KCNMA1: variants seen among roughly 807,000 people sequenced by gnomAD.
KCNMA1 encodes the protein Calcium-activated potassium channel subunit alpha-1.
KCNMA1 carries 29 observed loss-of-function variants against 140.0 expected under a neutral mutation model. The ratio of observed to expected loss-of-function variants is 0.21; its 90% confidence interval spans 0.15 to 0.28. The LOEUF (loss-of-function observed/expected upper bound fraction) is 0.28. Ranked by LOEUF, KCNMA1 falls within the 10% of genes least tolerant of loss-of-function variation. The probability of loss-of-function intolerance (pLI) is 1.00; values close to 1 mark genes in which losing one functional copy is unlikely to be tolerated. For synonymous variants in KCNMA1, 612 were observed against 611.9 expected (o/e 1.00, Z 0.00); for missense variants, 880 against 1,602.2 (o/e 0.55, Z 7.70).
chr10:77,378,191 A>T (rs976190617), intron 2 of KCNMA1, among the ~76,000 whole-genome samples: 2 of 152,120 alleles, frequency 1.3e-5, no homozygotes, highest in African/African-American at 4.8e-5. Flanking sequence ...ACAGGCCATG[A>T]AAAGAACACC....
At chr10:77,179,360 G>A (rs763610037) in intron 5 of KCNMA1, among the ~76,000 whole-genome samples, 3 of 152,074 alleles carry the variant, frequency 2.0e-5, no homozygotes, top group Non-Finnish European at 2.9e-5. Flanking sequence ...GGAGCAGGTC[G>A]GATCTCCAAG....
intron 1 of KCNMA1, among the ~76,000 whole-genome samples, chr10:77,411,472 C>T (rs751195970): frequency 3.3e-5 from 5 of 152,078 alleles, no homozygotes; most frequent in Non-Finnish European, 5.9e-5. Context: ...GTACTAATGT[C>T]CTCCATTGAC....
intron 2 of KCNMA1, among the ~76,000 whole-genome samples, chr10:77,268,528 G>T (rs6480856): frequency 2.0e-5 from 3 of 152,132 alleles, no homozygotes; most frequent in South Asian, 4.2e-4. Flanking sequence ...GTTACTGGAG[G>T]CTTACAAGGA....
chr10:77,003,259 C>G (rs373055343), intron 18 of KCNMA1, among the ~76,000 whole-genome samples: 20 of 152,216 alleles, frequency 1.3e-4, no homozygotes, highest in African/African-American at 4.8e-4. Context: ...CATGCAGCCC[C>G]AGCCCTGTTC....
intron 1 of KCNMA1, among the ~76,000 whole-genome samples, chr10:77,461,028 C>G (rs555057116): frequency 1.1e-4 from 17 of 152,156 alleles, no homozygotes; most frequent in Admixed American, 2.0e-4. Context: ...ATTACTTGAA[C>G]ACGGGAGGCA....
intron 17 of KCNMA1, chr10:77,012,373 T>C (rs992597411): frequency 6.6e-7 from 1 of 1,511,880 alleles, no homozygotes; most frequent in African/African-American, 1.4e-5. Context: ...CGTGGGGACA[T>C]GTGGGCAATG....
intron 7 of KCNMA1, among the ~76,000 whole-genome samples, chr10:77,112,002 G>A (rs538807239): frequency 1.5e-3 from 228 of 152,310 alleles, no homozygotes; most frequent in African/African-American, 5.3e-3. Context: ...TTACTAGGAG[G>A]TGTGGGTCCA....
intron 19 of KCNMA1, among the ~76,000 whole-genome samples, chr10:76,992,905 C>T (rs2083192985): frequency 6.6e-6 from 1 of 152,166 alleles, no homozygotes; most frequent in South Asian, 2.1e-4. Flanking sequence ...TTGAAAACTA[C>T]AGTGGATTTT....
intron 1 of KCNMA1, among the ~76,000 whole-genome samples, chr10:77,445,357 CATACACAG>C (rs1212543668): frequency 2.1e-4 from 28 of 132,238 alleles, no homozygotes; most frequent in African/African-American, 9.8e-4. Flanking sequence ...CTCACACGCA[CATACACAG>C]ACACACACAC....
chr10:77,024,070 C>G (rs1326635001), intron 16 of KCNMA1, among the ~76,000 whole-genome samples: 1 of 152,120 alleles, frequency 6.6e-6, no homozygotes, highest in African/African-American at 2.4e-5. Flanking sequence ...GGATGGGGAA[C>G]AGAGAGGTGA....
At chr10:77,633,272 G>A (rs1164691088) in intron 1 of KCNMA1, among the ~76,000 whole-genome samples, 1 of 152,044 alleles carries the variant, frequency 6.6e-6, no homozygotes, top group Non-Finnish European at 1.5e-5. Context: ...CCAAGATCGT[G>A]CCGCTGCACT....
intron 3 of KCNMA1, among the ~76,000 whole-genome samples, chr10:77,187,641 T>C (rs2098885871): frequency 6.6e-6 from 1 of 152,080 alleles, no homozygotes; most frequent in Admixed American, 6.5e-5. Context: ...ACCTCAATAA[T>C]ATGAGGGGGC....
intron 1 of KCNMA1, among the ~76,000 whole-genome samples, chr10:77,511,631 G>A (rs1353909225): frequency 3.9e-5 from 6 of 152,174 alleles, no homozygotes; most frequent in Non-Finnish European, 8.8e-5. Context: ...CTTGGGGAAT[G>A]CCTGGCATCT....
chr10:77,171,372 G>C (rs1004737453), intron 5 of KCNMA1, among the ~76,000 whole-genome samples: 1 of 146,338 alleles, frequency 6.8e-6, no homozygotes, highest in Non-Finnish European at 1.5e-5. Flanking sequence ...AATAGATTTC[G>C]GAAAGTACGT....
chr10:77,138,054 T>C (rs2098085868), intron 5 of KCNMA1, among the ~76,000 whole-genome samples: 1 of 152,160 alleles, frequency 6.6e-6, no homozygotes, highest in South Asian at 2.1e-4. Flanking sequence ...CAGACTGGGA[T>C]TGTCGCCCAT....
At chr10:77,149,838 T>C (rs536980921) in intron 5 of KCNMA1, 4 of 152,284 alleles carry the variant, frequency 2.6e-5, no homozygotes, top group Admixed American at 1.3e-4. Flanking sequence ...CATCTTTTCA[T>C]AGAACCCATG....
chr10:77,287,068 G>A (rs917569879), intron 2 of KCNMA1, among the ~76,000 whole-genome samples: 4 of 152,156 alleles, frequency 2.6e-5, no homozygotes, highest in African/African-American at 9.7e-5. Flanking sequence ...GAAACAGCAG[G>A]GGAATCAAGG....
intron 13 of KCNMA1, among the ~76,000 whole-genome samples, chr10:77,077,065 A>G (rs1390681219): frequency 1.3e-5 from 2 of 152,308 alleles, no homozygotes. Context: ...GTTGAAAGGG[A>G]AGAGGAAGAA....
intron 2 of KCNMA1, among the ~76,000 whole-genome samples, chr10:77,389,366 C>G (rs899807498): frequency 2.6e-5 from 4 of 152,172 alleles, no homozygotes; most frequent in African/African-American, 7.2e-5. Context: ...AATAAACATG[C>G]CTTTTATTGT....
Sources: gnomAD v4.1 joint callset for allele counts (sites outside exome capture counted in the v4.1 genomes callset) on GRCh38, gnomAD v4.1.1 for gene constraint, MANE v1.5 for transcripts, NCBI Gene and HGNC (gene_info 2026-07-23, HGNC 2026-07-21) for gene names.